The following LDHAL6A variants were observed in gnomAD, a reference collection of about 807,000 sequenced individuals.
LDHAL6A encodes the protein lactate dehydrogenase A like 6A.
Under a neutral mutation model 28.2 loss-of-function variants are expected in LDHAL6A, and 19 were observed. The ratio of observed to expected loss-of-function variants is 0.67; its 90% CI spans 0.47 to 0.99. The LOEUF is 0.99. Among genes scored for constraint, LDHAL6A ranks in the 50% least tolerant of loss-of-function variants. LDHAL6A has a pLI of 0.00. For missense variants in LDHAL6A, 372 were observed against 398.6 expected, an observed-to-expected ratio of 0.93 and a Z score of 0.57; for synonymous variants, 144 against 134.4, an observed-to-expected ratio of 1.07 and a Z score of -0.49.
intron 3 of LDHAL6A, among the ~76,000 whole-genome samples, chr11:18,467,918 T>A (rs11024668): frequency 2.0e-5 from 1 of 49,728 alleles, no homozygotes; most frequent in South Asian, 7.9e-4. Flanking sequence ...TATATATATA[T>A]ACACACACAT....
At chr11:18,474,361 G>A (rs894376757) in intron 3 of LDHAL6A, among the ~76,000 whole-genome samples, 2 of 151,826 alleles carry the variant, frequency 1.3e-5, no homozygotes, top group Non-Finnish European at 2.9e-5. Flanking sequence ...ACAGGCGTGA[G>A]TCACCACGCC....
intron 1 of LDHAL6A, among the ~76,000 whole-genome samples, chr11:18,460,594 CAA>C (rs34780803): frequency 7.8e-5 from 7 of 90,290 alleles, no homozygotes; most frequent in Non-Finnish European, 9.3e-5. Context: ...AACTCCGTCT[CAA>C]AAAAAAAAAA....
Position 18,478,775 on chromosome 11 carries a change from G to T in LDHAL6A, c.904G>T (p.Asp302Tyr). ...PCILGENGIT[D>Y]LIKVKLTLEE... The stretch of plus-strand genomic sequence containing the variant: ...TATCCTGGGAGAGAATGGTATCACA[G>T]ACCTCATAAAAGTAAAACTGACTCT... Residue 302 changes from aspartate to tyrosine, a missense_variant, in exon 7 of 7, where the codon GAC (aspartate) becomes TAC (tyrosine). Physicochemically the swap from Asp to Tyr is radical, Grantham distance 160. Coordinates refer to ENST00000280706, the MANE Select transcript of LDHAL6A (RefSeq NM_144972.5). 1 of 1,613,464 alleles carries T rather than the reference G, an allele frequency of 6.2e-7. No individual in the cohort carries two copies. Among genetic ancestry groups the T allele is most frequent in the South Asian group, 1.1e-5 (1 of 91,058 alleles).
chr11:18,465,740 C>T lies in LDHAL6A; in HGVS notation c.348C>T (p.Ile116=). ...RLDLVQRNVS[I]FKLMIPNITQ... ...ATTTAGTCCAGCGAAATGTATCCAT[C>T]TTTAAATTAATGATTCCCAATATTA... The change falls in exon 3 of 7, where the codon ATC becomes ATT. Residue 116 remains isoleucine (I), a synonymous_variant. Transcript: ENST00000280706. 1.2e-6 allele frequency: 2 copies of T among 1,613,684 alleles called. No individual in the cohort carries two copies. Among genetic ancestry groups the T allele is most frequent in the Non-Finnish European group, 1.7e-6 (2 of 1,179,572 alleles).
chr11:18,469,940 T>G (rs1174831228), intron 3 of LDHAL6A, among the ~76,000 whole-genome samples: 1 of 151,954 alleles, frequency 6.6e-6, no homozygotes, highest in East Asian at 1.9e-4. Flanking sequence ...ATTTTATTTA[T>G]TTTTTTGAGA....
intron 2 of LDHAL6A, among the ~76,000 whole-genome samples, chr11:18,465,001 T>TTTTTTTTTTTTG (rs1849025165): frequency 6.9e-6 from 1 of 144,514 alleles, no homozygotes; most frequent in African/African-American, 2.7e-5. Flanking sequence ...TGTTTTGTTT[T>TTTTTTTTTTTTG]GGTTTGTTTT....
Position 18,465,935 on chromosome 11 carries a change from A to G in LDHAL6A, c.418+125A>G, listed in dbSNP as rs1849061069. Reference sequence around the variant, plus strand: ...GATTGATCCTGCCACCCAGGTACTGAGCAAAGTACCTAATAGTTTTTCAGC... The same window carrying G: ...GATTGATCCTGCCACCCAGGTACTGGGCAAAGTACCTAATAGTTTTTCAGC... On this transcript the variant is annotated intron_variant, in intron 3 of 6. Coordinates refer to ENST00000280706, the MANE Select transcript of LDHAL6A (RefSeq NM_144972.5). 4.3e-6 allele frequency: 3 copies of G among 698,826 alleles called. No homozygotes were observed. The South Asian group carries it at 6.2e-5, about 14-fold the overall frequency. 43.3% of individuals were successfully genotyped at this position (698,826 alleles called of 1,614,324 possible).
Position 18,477,836 on chromosome 11 carries a change from G to A in LDHAL6A, c.834+93G>A, listed in dbSNP as rs1392538230. The stretch of plus-strand genomic sequence containing the variant: ...GCACTCTGGTTTTGGGTTTGATCTC[G>A]TGGGAAGCACCTCTCTTCCTGAAGT... On this transcript the variant is annotated intron_variant, in intron 6 of 6. Transcript: ENST00000280706. The A allele has an allele frequency of 5.1e-6, 6 of 1,165,330 alleles. No homozygotes were observed. In the Admixed American group the frequency reaches 7.9e-5, roughly 15 times the overall value. 72.2% of individuals were successfully genotyped at this position (1,165,330 alleles called of 1,614,324 possible). A position where few individuals can be genotyped will look rare whatever the true frequency, so the allele number is the denominator to read the frequency against.
intron 3 of LDHAL6A, among the ~76,000 whole-genome samples, chr11:18,472,617 T>C (rs2133885761): frequency 6.6e-6 from 1 of 152,356 alleles, no homozygotes; most frequent in Non-Finnish European, 1.5e-5. Flanking sequence ...TCTTAAATTG[T>C]CTTCATATGT....
At chr11:18,475,393 T>A in intron 3 of LDHAL6A, 73 bp from the exon 4 acceptor site, 1 of 1,234,000 alleles carries the variant, frequency 8.1e-7, no homozygotes, top group East Asian at 2.3e-5. Flanking sequence ...TTTACTAGTT[T>A]TAAGTTAGGT....
intron 1 of LDHAL6A, among the ~76,000 whole-genome samples, chr11:18,458,787 T>G (rs200350926): frequency 6.8e-6 from 1 of 146,088 alleles, no homozygotes. Flanking sequence ...GATCCACTTT[T>G]TCTTTTAGTG....
intron 3 of LDHAL6A, among the ~76,000 whole-genome samples, chr11:18,466,661 A>AAAG: frequency 6.6e-6 from 1 of 151,790 alleles, no homozygotes; most frequent in Non-Finnish European, 1.5e-5. Context: ...CAAAAAAAAA[A>AAAG]AAAAAAAAAA....
At chr11:18,463,432 CTG>C (rs919864796) in intron 1 of LDHAL6A, among the ~76,000 whole-genome samples, 4 of 152,164 alleles carry the variant, frequency 2.6e-5, no homozygotes, top group African/African-American at 9.7e-5. Context: ...GCCTCCATAA[CTG>C]TAAGAAATAA....
chr11:18,473,892 A>G (rs1405889586), intron 3 of LDHAL6A, among the ~76,000 whole-genome samples: 1 of 152,206 alleles, frequency 6.6e-6, no homozygotes, highest in Admixed American at 6.5e-5. Context: ...TAAGATAAAA[A>G]GCAGTTTCCT....
chr11:18,469,955 GTC>G (rs760774735), intron 3 of LDHAL6A, among the ~76,000 whole-genome samples: 2 of 151,164 alleles, frequency 1.3e-5, no homozygotes, highest in African/African-American at 2.4e-5. Flanking sequence ...TTGAGACAGA[GTC>G]TCTGTCTGTC....
chr11:18,462,367 G>T (rs1034059110), intron 1 of LDHAL6A, among the ~76,000 whole-genome samples: 3 of 151,986 alleles, frequency 2.0e-5, no homozygotes, highest in African/African-American at 7.3e-5. Context: ...GCCGGGTGCG[G>T]TGTCTCATGC....
intron 3 of LDHAL6A, among the ~76,000 whole-genome samples, chr11:18,466,757 G>A (rs1849085151): frequency 6.6e-6 from 1 of 151,836 alleles, no homozygotes; most frequent in Admixed American, 6.6e-5. Context: ...CCAAATTACT[G>A]TTTGAGAAGT....
intron 1 of LDHAL6A, among the ~76,000 whole-genome samples, chr11:18,460,864 T>G (rs1442926159): frequency 1.3e-5 from 2 of 151,970 alleles, no homozygotes; most frequent in Non-Finnish European, 2.9e-5. Flanking sequence ...TGAGAGGGAG[T>G]CTCACTCTGT....
chr11:18,465,777 C>A lies in LDHAL6A; in HGVS notation c.385C>A (p.Pro129Thr). ...LMIPNITQYS[P>T]HCKLLIVTNP... ...GATTCCCAATATTACCCAGTACAGTCCTCACTGCAAACTGCTTATTGTTAC... is the reference window on the plus strand; with the variant it reads ...GATTCCCAATATTACCCAGTACAGTACTCACTGCAAACTGCTTATTGTTAC... Residue 129 changes from proline to threonine, a missense_variant, in exon 3 of 7, where the codon CCT (proline) becomes ACT (threonine). Pro to Thr is a conservative substitution (Grantham distance 38). Around this residue, in one of 3 missense-constraint regions of LDHAL6A, gnomAD observed 291 missense variants for 302.9 expected, o/e 0.96. Coordinates refer to ENST00000280706, the MANE Select transcript of LDHAL6A (RefSeq NM_144972.5). 6.2e-7 allele frequency: 1 copy of A among 1,612,956 alleles called. No homozygotes were observed. Among genetic ancestry groups the A allele is most frequent in the Non-Finnish European group, 8.5e-7 (1 of 1,179,566 alleles).
Sources: allele counts gnomAD v4.1 joint callset (sites outside exome capture counted in the v4.1 genomes callset), GRCh38; gene constraint gnomAD v4.1.1; regional missense constraint gnomAD v4.1.1; transcripts MANE v1.5; gene names NCBI Gene and HGNC (gene_info 2026-07-23, HGNC 2026-07-21).